ERBB4: variants seen among roughly 807,000 people sequenced by gnomAD.
ERBB4 encodes receptor tyrosine-protein kinase erbB-4.
Under a neutral mutation model 158.0 loss-of-function variants are expected in ERBB4, and 42 were observed. The ratio of observed to expected loss-of-function variants is 0.27; its 90% CI spans 0.21 to 0.34. ERBB4 has a LOEUF of 0.34. Among genes scored for constraint, ERBB4 ranks in the 10% least tolerant of loss-of-function variants. The pLI, the probability that ERBB4 is intolerant of heterozygous loss-of-function variation, is 1.00. For synonymous variants in ERBB4, 583 were observed against 558.7 expected (o/e 1.04, Z -0.61); for missense variants, 1,333 against 1,624.1 (o/e 0.82, Z 3.08).
chr2:211,917,666 T>C (rs2079735748), intron 3 of ERBB4, among the ~76,000 whole-genome samples: 1 of 152,016 alleles, frequency 6.6e-6, no homozygotes, highest in East Asian at 1.9e-4. Context: ...TAAAAGTGGG[T>C]ATAGGACTGG....
At chr2:211,926,241 C>T (rs2080019093) in intron 3 of ERBB4, among the ~76,000 whole-genome samples, 1 of 152,134 alleles carries the variant, frequency 6.6e-6, no homozygotes, top group Non-Finnish European at 1.5e-5. Flanking sequence ...ACTGCATCCT[C>T]AGGAAGAAGA....
At chr2:211,392,300 G>C (rs2062813797) in intron 25 of ERBB4, among the ~76,000 whole-genome samples, 1 of 152,096 alleles carries the variant, frequency 6.6e-6, no homozygotes. Context: ...CAACATACCA[G>C]TGTTTTGAGA....
At chr2:211,985,916 A>T (rs1342145858) in intron 2 of ERBB4, among the ~76,000 whole-genome samples, 2 of 152,166 alleles carry the variant, frequency 1.3e-5, no homozygotes, top group Non-Finnish European at 2.9e-5. Context: ...CTGTTCCCAA[A>T]ATTTCATGTC....
At chr2:212,538,308 T>C (rs2106365356) in intron 1 of ERBB4, 141 bp downstream of exon 1, 1 of 759,084 alleles carries the variant, frequency 1.3e-6, no homozygotes, top group East Asian at 2.5e-5. Flanking sequence ...GAAAGAGGGG[T>C]GACCGAAAGC....
chr2:211,845,388 C>T (rs79064158), intron 3 of ERBB4, among the ~76,000 whole-genome samples: 2,261 of 152,084 alleles, frequency 0.015, 62 homozygotes, highest in African/African-American at 0.052. Context: ...TCTCATGAGA[C>T]GATATTAACA....
At chr2:211,908,551 G>A (rs1368156205) in intron 3 of ERBB4, among the ~76,000 whole-genome samples, 2 of 151,708 alleles carry the variant, frequency 1.3e-5, no homozygotes, top group South Asian at 2.1e-4. Context: ...ATCGGTGAGT[G>A]TATACCAAAT....
At chr2:211,728,612 C>G (rs900775785) in intron 5 of ERBB4, among the ~76,000 whole-genome samples, 3 of 151,762 alleles carry the variant, frequency 2.0e-5, no homozygotes, top group Non-Finnish European at 4.4e-5. Context: ...ATTAAAATAG[C>G]AGACATATGT....
At chr2:212,442,501 T>A (rs2092276116) in intron 1 of ERBB4, among the ~76,000 whole-genome samples, 1 of 152,162 alleles carries the variant, frequency 6.6e-6, no homozygotes, top group South Asian at 2.1e-4. Context: ...TCCTGGGCAC[T>A]GGCTCTGAAC....
intron 3 of ERBB4, among the ~76,000 whole-genome samples, chr2:211,851,322 A>T (rs1292155890): frequency 6.6e-6 from 1 of 151,976 alleles, no homozygotes. Flanking sequence ...AAAAGAAAAA[A>T]TCAAAATGGA....
At chr2:211,425,646 A>G (rs958991948) in intron 22 of ERBB4, among the ~76,000 whole-genome samples, 3 of 151,762 alleles carry the variant, frequency 2.0e-5, no homozygotes, top group Admixed American at 1.3e-4. Flanking sequence ...TTTATATTTT[A>G]GAATATTTTA....
intron 2 of ERBB4, among the ~76,000 whole-genome samples, chr2:212,056,392 G>C (rs2077570109): frequency 6.6e-6 from 1 of 152,140 alleles, no homozygotes; most frequent in South Asian, 2.1e-4. Flanking sequence ...AACCTAGCAA[G>C]GCAGGCCAAC....
chr2:211,894,961 T>C (rs1372995235), intron 3 of ERBB4, among the ~76,000 whole-genome samples: 2 of 152,162 alleles, frequency 1.3e-5, no homozygotes, highest in Non-Finnish European at 2.9e-5. Flanking sequence ...GTTAATTTGT[T>C]GCTAAGCAAG....
chr2:211,599,225 C>G (rs1160510658), intron 19 of ERBB4, among the ~76,000 whole-genome samples: 1 of 152,104 alleles, frequency 6.6e-6, no homozygotes, highest in African/African-American at 2.4e-5. Flanking sequence ...TGTGTATATA[C>G]CCTCCAGAGG....
At chr2:211,847,560 A>G in intron 3 of ERBB4, among the ~76,000 whole-genome samples, 1 of 152,296 alleles carries the variant, frequency 6.6e-6, no homozygotes, top group East Asian at 1.9e-4. Context: ...TGCAGTCCAC[A>G]GGCCACATGT....
intron 20 of ERBB4, among the ~76,000 whole-genome samples, chr2:211,491,109 C>T (rs1242567665): frequency 6.6e-6 from 1 of 152,002 alleles, no homozygotes; most frequent in Admixed American, 6.6e-5. Context: ...ACTTCTAGGA[C>T]ACAAAATGTT....
intron 1 of ERBB4, among the ~76,000 whole-genome samples, chr2:212,255,403 G>A (rs2084691509): frequency 6.6e-6 from 1 of 152,036 alleles, no homozygotes; most frequent in African/African-American, 2.4e-5. Flanking sequence ...TACTACAAGG[G>A]CACAGTTTAC....
intron 2 of ERBB4, among the ~76,000 whole-genome samples, chr2:212,051,789 A>G (rs927162805): frequency 2.0e-5 from 3 of 152,184 alleles, no homozygotes; most frequent in African/African-American, 7.2e-5. Context: ...ATAATAGTCT[A>G]AATTTTATTA....
At chr2:212,347,038 G>A (rs868858469) in intron 1 of ERBB4, among the ~76,000 whole-genome samples, 2 of 152,082 alleles carry the variant, frequency 1.3e-5, no homozygotes, top group Non-Finnish European at 2.9e-5. Context: ...GTGTGGCACT[G>A]CCTTATCTAA....
At chr2:212,142,694 C>T (rs1388444127) in intron 1 of ERBB4, among the ~76,000 whole-genome samples, 1 of 150,568 alleles carries the variant, frequency 6.6e-6, no homozygotes. Flanking sequence ...CATGAATTCT[C>T]AAACGTTAGA....
Sources: allele counts gnomAD v4.1 joint callset (sites outside exome capture counted in the v4.1 genomes callset), GRCh38; gene constraint gnomAD v4.1.1; transcripts MANE v1.5; gene names NCBI Gene and HGNC (gene_info 2026-07-23, HGNC 2026-07-21).